CTNNA1: variants seen among roughly 807,000 people sequenced by gnomAD.
CTNNA1 encodes catenin alpha-1.
In CTNNA1, 37 loss-of-function variants were observed where a neutral mutation model predicts 98.4. That is an observed-to-expected ratio of 0.38 (90% CI 0.29 to 0.49). The LOEUF is 0.49. CTNNA1 is among the 20% of genes least tolerant of loss of function. The pLI, the probability that CTNNA1 is intolerant of heterozygous loss-of-function variation, is 0.95. For missense variants in CTNNA1, 761 were observed against 1,147.2 expected (o/e 0.66, Z 4.86); for synonymous variants, 404 against 413.2 (o/e 0.98, Z 0.27).
At chr5:138,921,234 C>T (rs1322942657) in intron 11 of CTNNA1, among the ~76,000 whole-genome samples, 2 of 152,156 alleles carry the variant, frequency 1.3e-5, no homozygotes, top group African/African-American at 2.4e-5. Context: ...ATTTGATAAA[C>T]GTTTTCCACG....
chr5:138,877,660 G>A (rs1007791722), intron 7 of CTNNA1, among the ~76,000 whole-genome samples: 1 of 151,834 alleles, frequency 6.6e-6, no homozygotes, highest in Non-Finnish European at 1.5e-5. Flanking sequence ...TGTTAGCCAG[G>A]ATGGTCTCGA....
chr5:138,927,853 T>C lies in CTNNA1; in HGVS notation c.1900-1393T>C, dbSNP rs983005511. 2.6e-5 allele frequency among the ~76,000 whole-genome samples: 4 copies of C among 152,176 alleles called. No homozygotes were observed. In the South Asian group the frequency reaches 6.2e-4, roughly 24 times the overall value. On this transcript the variant is annotated intron_variant, in intron 13 of 17. Coordinates refer to ENST00000302763, the MANE Select transcript of CTNNA1 (RefSeq NM_001903.5). ...GTCCTTTGAAAAGCCCCTTAACTGA[T>C]TGATTGCATGCCAGTCCCGAAGGCA...
chr5:138,810,535 T>C (rs1758573540), intron 4 of CTNNA1, among the ~76,000 whole-genome samples: 1 of 152,208 alleles, frequency 6.6e-6, no homozygotes, highest in Non-Finnish European at 1.5e-5. Context: ...TTTGTACTTT[T>C]ATTTATTTAT....
chr5:138,892,189 C>T (rs1755525870), intron 9 of CTNNA1, among the ~76,000 whole-genome samples: 1 of 152,028 alleles, frequency 6.6e-6, no homozygotes, highest in African/African-American at 2.4e-5. Flanking sequence ...ACAGGCGTGT[C>T]CTTAACCTTG....
rs532744993 is a variant in CTNNA1, at chr5:138,889,301, C to T, written c.1296+1659C>T. Among the ~76,000 whole-genome samples, 3 of 152,282 alleles carry T rather than the reference C, an allele frequency of 2.0e-5. No homozygotes were observed. In the South Asian group the frequency reaches 6.2e-4, roughly 32 times the overall value. ...CCTTTATTAGGGCCAGCTGCATTAT[C>T]CTCTGCCTCTCCAGCCTAAGAGAGC... On this transcript the variant is annotated intron_variant, in intron 9 of 17. Coordinates refer to ENST00000302763, the MANE Select transcript of CTNNA1 (RefSeq NM_001903.5).
At chr5:138,801,099 C>T (rs1263896110) in intron 3 of CTNNA1, among the ~76,000 whole-genome samples, 1 of 152,170 alleles carries the variant, frequency 6.6e-6, no homozygotes, top group African/African-American at 2.4e-5. Context: ...TGATTAGCAT[C>T]GCATGCAGAT....
At chr5:138,816,899 A>G (rs1441611448) in intron 5 of CTNNA1, among the ~76,000 whole-genome samples, 2 of 152,244 alleles carry the variant, frequency 1.3e-5, no homozygotes, top group East Asian at 1.9e-4. Flanking sequence ...GGTTTTCACC[A>G]TGTTGGCCAG....
At chr5:138,931,747 C>A in intron 16 of CTNNA1, 4 of 985,462 alleles carry the variant, frequency 4.1e-6, no homozygotes, top group Non-Finnish European at 4.8e-6. Context: ...TCTGAAAATG[C>A]AGATCACATG....
At chr5:138,923,119 A>G (rs923235403) in intron 11 of CTNNA1, among the ~76,000 whole-genome samples, 6 of 152,176 alleles carry the variant, frequency 3.9e-5, no homozygotes, top group African/African-American at 1.2e-4. Flanking sequence ...TTTCAATTGT[A>G]TTCCTTTCCT....
intron 10 of CTNNA1, among the ~76,000 whole-genome samples, chr5:138,905,111 A>ACATACATACATACATAC (rs534764046): frequency 7.1e-4 from 99 of 139,326 alleles, no homozygotes; most frequent in Middle Eastern, 3.7e-3. Flanking sequence ...AAAAAAAAAA[A>ACATACATACATACATAC]ATACATACAT....
chr5:138,907,339 A>G (rs984336882), intron 10 of CTNNA1, among the ~76,000 whole-genome samples: 1 of 152,188 alleles, frequency 6.6e-6, no homozygotes, highest in Non-Finnish European at 1.5e-5. Flanking sequence ...ATTTTAAACA[A>G]AAATTCTGCA....
chr5:138,826,998 G>T (rs1190309689), intron 6 of CTNNA1, among the ~76,000 whole-genome samples: 1 of 152,156 alleles, frequency 6.6e-6, no homozygotes, highest in Non-Finnish European at 1.5e-5. Context: ...GCCTAGGCTG[G>T]TGTTCAACTG....
At chr5:138,830,462 A>G (rs1481106391) in intron 7 of CTNNA1, among the ~76,000 whole-genome samples, 8 of 152,252 alleles carry the variant, frequency 5.3e-5, no homozygotes. Context: ...AAAAATCTTT[A>G]GTTTCCTTTT....
intron 7 of CTNNA1, chr5:138,870,875 A>G (rs1183102838): frequency 6.6e-6 from 1 of 152,186 alleles, no homozygotes; most frequent in African/African-American, 2.4e-5. Context: ...ATGCTGTTAA[A>G]TCAGCTTCTG....
intron 7 of CTNNA1, among the ~76,000 whole-genome samples, chr5:138,836,733 T>C (rs981171481): frequency 6.6e-6 from 1 of 152,218 alleles, no homozygotes; most frequent in Non-Finnish European, 1.5e-5. Context: ...TAGACTGTCC[T>C]TTATATCACT....
rs1762950044 is a variant in CTNNA1, at chr5:138,848,861, T to C, written c.1062+21143T>C. ...GCCTCAGCCTCCTGAGTAGCTGGGA[T>C]TACAGGTATGCACCATCATACCCAG... is the stretch of plus-strand genomic sequence containing the variant. On this transcript the variant is annotated intron_variant, in intron 7 of 17. Transcript: ENST00000302763. 9.2e-5 allele frequency among the ~76,000 whole-genome samples: 14 copies of C among 152,244 alleles called. 1 individual carries two copies. The highest frequency in any genetic ancestry group is 8.5e-4 in the Admixed American group (13 of 15,292).
At chr5:138,775,785 C>T (rs185404413) in intron 1 of CTNNA1, among the ~76,000 whole-genome samples, 10 of 140,344 alleles carry the variant, frequency 7.1e-5, no homozygotes, top group Admixed American at 2.3e-4. Context: ...TGCAGTGGCG[C>T]GATCTCGGTT....
intron 1 of CTNNA1, among the ~76,000 whole-genome samples, chr5:138,758,382 T>G (rs1751935551): frequency 6.8e-6 from 1 of 146,526 alleles, no homozygotes; most frequent in Admixed American, 6.8e-5. Flanking sequence ...TTTTTGTTTG[T>G]TTGTTGTTGT....
intron 7 of CTNNA1, among the ~76,000 whole-genome samples, chr5:138,884,428 G>GA (rs1561648924): frequency 6.6e-6 from 1 of 152,052 alleles, no homozygotes; most frequent in South Asian, 2.1e-4. Context: ...CCTAAATCAG[G>GA]AAAAAACCTA....
Sources: gnomAD v4.1 joint callset for allele counts (sites outside exome capture counted in the v4.1 genomes callset) on GRCh38, gnomAD v4.1.1 for gene constraint, MANE v1.5 for transcripts, NCBI Gene and HGNC (gene_info 2026-07-23, HGNC 2026-07-21) for gene names.